The following DNAJC1 variants were observed in gnomAD, a reference collection of about 807,000 sequenced individuals.
DNAJC1 encodes dnaJ homolog subfamily C member 1.
A neutral mutation model predicts 76.6 loss-of-function variants in DNAJC1; 58 were observed. That is an observed-to-expected ratio of 0.76 (90% CI 0.61 to 0.94). DNAJC1 has a LOEUF of 0.94. DNAJC1 is among the 40% of genes least tolerant of loss of function. The pLI, the probability that DNAJC1 is intolerant of heterozygous loss-of-function variation, is 0.00. For synonymous variants in DNAJC1, 258 were observed against 267.9 expected (o/e 0.96, Z 0.36); for missense variants, 689 against 677.3 (o/e 1.02, Z -0.19).
At chr10:21,774,127 C>T (rs1200053826) in intron 9 of DNAJC1, among the ~76,000 whole-genome samples, 2 of 126,722 alleles carry the variant, frequency 1.6e-5, no homozygotes, top group East Asian at 2.2e-4. Context: ...GGCGACAGAG[C>T]GAGACTCCGT....
intron 3 of DNAJC1, among the ~76,000 whole-genome samples, chr10:21,921,685 A>G (rs1837044564): frequency 1.3e-5 from 2 of 152,162 alleles, no homozygotes; most frequent in African/African-American, 4.8e-5. Flanking sequence ...AGAGAAGAAC[A>G]TTAACAAGTA....
intron 1 of DNAJC1, among the ~76,000 whole-genome samples, chr10:21,978,829 G>A (rs1720719862): frequency 6.6e-6 from 1 of 152,042 alleles, no homozygotes. Flanking sequence ...AATTCAGTAA[G>A]TGATATGTTT....
At chr10:21,783,570 C>T (rs1172278438) in intron 9 of DNAJC1, among the ~76,000 whole-genome samples, 1 of 152,094 alleles carries the variant, frequency 6.6e-6, no homozygotes, top group Non-Finnish European at 1.5e-5. Flanking sequence ...TCATATGGAA[C>T]CAAAAAAGAG....
At chr10:21,914,028 T>C (rs1410978001) in intron 6 of DNAJC1, among the ~76,000 whole-genome samples, 1 of 152,122 alleles carries the variant, frequency 6.6e-6, no homozygotes, top group East Asian at 1.9e-4. Context: ...ACACCAGCCT[T>C]CCATTCATTC....
chr10:21,822,086 T>G (rs887060461), intron 8 of DNAJC1, among the ~76,000 whole-genome samples: 1 of 152,178 alleles, frequency 6.6e-6, no homozygotes, highest in Non-Finnish European at 1.5e-5. Context: ...TTTGAAAGCA[T>G]GAAGGGTAAC....
chr10:21,890,758 A>G (rs1289471184), intron 7 of DNAJC1, among the ~76,000 whole-genome samples: 1 of 152,216 alleles, frequency 6.6e-6, no homozygotes, highest in African/African-American at 2.4e-5. Flanking sequence ...CTAAAACAGA[A>G]GACTTAAATA....
At chr10:21,892,306 T>G (rs1836474002) in intron 7 of DNAJC1, among the ~76,000 whole-genome samples, 1 of 151,676 alleles carries the variant, frequency 6.6e-6, no homozygotes, top group African/African-American at 2.4e-5. Context: ...CCCTAACATA[T>G]CAATCACTAT....
chr10:21,862,096 T>C (rs949057083), intron 8 of DNAJC1, among the ~76,000 whole-genome samples: 1 of 152,094 alleles, frequency 6.6e-6, no homozygotes, highest in Non-Finnish European at 1.5e-5. Context: ...TTTTGTATTT[T>C]TAGTAGAGAC....
At chr10:21,899,375 G>A (rs933725042) in intron 7 of DNAJC1, among the ~76,000 whole-genome samples, 4 of 152,194 alleles carry the variant, frequency 2.6e-5, no homozygotes, top group African/African-American at 7.2e-5. Context: ...GGCACCTCAC[G>A]AGTTAAGACC....
intron 8 of DNAJC1, among the ~76,000 whole-genome samples, chr10:21,867,527 G>A (rs1339655997): frequency 6.6e-6 from 1 of 152,040 alleles, no homozygotes; most frequent in Non-Finnish European, 1.5e-5. Context: ...GTGATCGCGG[G>A]AGAATAGAAA....
chr10:21,826,656 AC>A (rs1369951593), intron 8 of DNAJC1, among the ~76,000 whole-genome samples: 17 of 152,042 alleles, frequency 1.1e-4, no homozygotes, highest in Non-Finnish European at 2.4e-4. Flanking sequence ...TATATCTTTG[AC>A]CCATTTTTGT....
In DNAJC1 at chr10:21,980,979, G is replaced by C. The variant is rs1838146505; in HGVS notation, c.222+22234C>G. The stretch of plus-strand genomic sequence containing the variant: ...TATTCCTCCTTAAGTGTGGTACCAG[G>C]AGTGTTTATAATACATTGATGGAGA... On this transcript the variant is annotated intron_variant, in intron 1 of 11. Coordinates refer to ENST00000376980, the MANE Select transcript of DNAJC1 (RefSeq NM_022365.4). 2.0e-5 allele frequency among the ~76,000 whole-genome samples: 3 copies of C among 151,964 alleles called. No homozygotes were observed. In the South Asian group the frequency reaches 6.2e-4, roughly 32 times the overall value.
intron 1 of DNAJC1, among the ~76,000 whole-genome samples, chr10:21,996,415 C>T (rs1319337161): frequency 1.3e-5 from 2 of 152,174 alleles, no homozygotes; most frequent in Non-Finnish European, 2.9e-5. Context: ...TATAAATTCT[C>T]CTCTCAGCAA....
Position 21,918,826 on chromosome 10 carries a change from C to A in DNAJC1, c.682G>T (p.Gly228Trp), listed in dbSNP as rs1836994656. The A allele has an allele frequency of 3.7e-6, 6 of 1,613,108 alleles. No homozygotes were observed. Among genetic ancestry groups the A allele is most frequent in the Non-Finnish European group, 5.1e-6 (6 of 1,179,378 alleles). The change falls in exon 6 of 12, where the codon GGG becomes TGG. Residue 228 changes from glycine to tryptophan, a missense_variant. By Grantham distance (184) the Gly-to-Trp change is radical. Transcript: ENST00000376980. ...TTTAGTGTAAGGCAAAACCAAATCC[C>A]CAGTTTGCATGGAAGCAAATCATGC... ...QWHDLLPCKL[G>W]IWFCLTLKAL...
chr10:21,860,556 T>C lies in DNAJC1; in HGVS notation c.978+21726A>G, dbSNP rs190157335. ...AAAAATACAGAAAATTAGCCAGGCATGGTGGTGCGCACCTGTAACCTCAGC... is the reference window on the plus strand; with the variant it reads ...AAAAATACAGAAAATTAGCCAGGCACGGTGGTGCGCACCTGTAACCTCAGC... On this transcript the variant is annotated intron_variant, in intron 8 of 11. Coordinates refer to ENST00000376980, the MANE Select transcript of DNAJC1 (RefSeq NM_022365.4). Among the ~76,000 whole-genome samples the C allele has an allele frequency of 1.4e-4, 21 of 152,100 alleles. No homozygotes were observed. In the East Asian group the frequency reaches 3.5e-3, roughly 25 times the overall value.
chr10:21,884,107 G>A (rs1018545031), intron 7 of DNAJC1, among the ~76,000 whole-genome samples: 1 of 152,094 alleles, frequency 6.6e-6, no homozygotes, highest in Non-Finnish European at 1.5e-5. Context: ...TGAAAACCCA[G>A]ATGCTGTTAC....
At chr10:21,914,778 C>T (rs1836924527) in intron 6 of DNAJC1, among the ~76,000 whole-genome samples, 1 of 152,136 alleles carries the variant, frequency 6.6e-6, no homozygotes, top group South Asian at 2.1e-4. Flanking sequence ...ACAAAATTAT[C>T]TTTGTATACC....
At chr10:21,830,497 T>C (rs1011742053) in intron 8 of DNAJC1, among the ~76,000 whole-genome samples, 1 of 152,186 alleles carries the variant, frequency 6.6e-6, no homozygotes, top group Non-Finnish European at 1.5e-5. Flanking sequence ...TTTCTCTCTG[T>C]GGTTAGTTTT....
At chr10:21,950,327 T>C (rs190245095) in intron 1 of DNAJC1, among the ~76,000 whole-genome samples, 94 of 152,324 alleles carry the variant, frequency 6.2e-4, no homozygotes, top group Admixed American at 5.6e-3. Context: ...TGATCTTTGA[T>C]ATTACCATTG....
Sources: allele counts gnomAD v4.1 joint callset (sites outside exome capture counted in the v4.1 genomes callset), GRCh38; gene constraint gnomAD v4.1.1; transcripts MANE v1.5; gene names NCBI Gene and HGNC (gene_info 2026-07-23, HGNC 2026-07-21).